SHANK2: variants seen among roughly 807,000 people sequenced by gnomAD.
The protein encoded by SHANK2 is SH3 and multiple ankyrin repeat domains protein 2.
SHANK2 carries 43 observed loss-of-function variants against 133.7 expected under a neutral mutation model. The observed-to-expected ratio is 0.32, with a 90% CI of 0.25 to 0.41. SHANK2 has a LOEUF of 0.41. Ranked by LOEUF, SHANK2 falls within the 10% of genes least tolerant of loss-of-function variation. The probability of loss-of-function intolerance (pLI) is 1.00; values close to 1 mark genes in which losing one functional copy is unlikely to be tolerated. For missense variants in SHANK2, 1,994 were observed against 2,235.8 expected, an observed-to-expected ratio of 0.89 and a Z score of 2.18; for synonymous variants, 1,017 against 952.8, an observed-to-expected ratio of 1.07 and a Z score of -1.24.
At position 70,804,900 on chromosome 11, in the gene SHANK2, C is replaced by A. The variant is rs1336425433; in HGVS notation, c.1663+2102G>T. 6.6e-6 allele frequency among the ~76,000 whole-genome samples: 1 copy of A among 152,208 alleles called. No individual in the cohort carries two copies. The highest frequency in any genetic ancestry group is 2.4e-5 in the African/African-American group (1 of 41,454). ...TCCCTTGAGCTCCTGCTCATCCATG[C>A]TGCTACTCAGGGTCCCCTCTAAGGG... is the stretch of plus-strand genomic sequence containing the variant. On this transcript the variant is annotated intron_variant, in intron 13 of 25. Transcript: ENST00000601538. The surrounding 1 kb of genome is among the most constrained non-coding windows in gnomAD (Gnocchi z 4.1).
chr11:71,083,575 G>A (rs966708964), intron 8 of SHANK2, among the ~76,000 whole-genome samples: 3,682 of 152,210 alleles, frequency 0.024, 172 homozygotes, highest in African/African-American at 0.084. Flanking sequence ...CCAACAGACA[G>A]CATGAGGAGA....
At chr11:71,090,906 TA>T (rs1288441766) in intron 8 of SHANK2, among the ~76,000 whole-genome samples, 2 of 152,130 alleles carry the variant, frequency 1.3e-5, no homozygotes, top group Non-Finnish European at 2.9e-5. Flanking sequence ...TTTTTCCTCT[TA>T]AGGCCTTCAA....
chr11:70,691,212 A>AGAACAT (rs1365127062), intron 15 of SHANK2, among the ~76,000 whole-genome samples: 4 of 152,182 alleles, frequency 2.6e-5, no homozygotes, highest in African/African-American at 4.8e-5. Context: ...AGGGGAACAG[A>AGAACAT]GAACATGGAC....
At chr11:70,865,848 C>G (rs1378955488) in intron 11 of SHANK2, among the ~76,000 whole-genome samples, 2 of 152,212 alleles carry the variant, frequency 1.3e-5, no homozygotes, top group Admixed American at 6.5e-5. Flanking sequence ...AAGCACCTGC[C>G]TTGTGCTAGG....
At chr11:70,539,600 C>T (rs1443591475) in intron 17 of SHANK2, among the ~76,000 whole-genome samples, 1 of 124,106 alleles carries the variant, frequency 8.1e-6, no homozygotes, top group Non-Finnish European at 1.7e-5. Flanking sequence ...CAGACAGCAC[C>T]ACAGGCTGGC....
At chr11:70,847,858 G>C (rs182173125) in intron 11 of SHANK2, among the ~76,000 whole-genome samples, 4 of 152,232 alleles carry the variant, frequency 2.6e-5, no homozygotes, top group African/African-American at 2.4e-5. Flanking sequence ...GACCAAAGAG[G>C]GGGGCAGGGC....
At chr11:70,678,477 C>T (rs577240360) in intron 15 of SHANK2, among the ~76,000 whole-genome samples, 9 of 149,746 alleles carry the variant, frequency 6.0e-5, no homozygotes, top group African/African-American at 2.2e-4. Flanking sequence ...TGTCCTGCCT[C>T]TCCCTGCCTC....
intron 15 of SHANK2, among the ~76,000 whole-genome samples, chr11:70,678,958 C>G (rs1288082522): frequency 6.6e-6 from 1 of 152,176 alleles, no homozygotes. Context: ...CAGGTTACCT[C>G]CAAGCTCCAA....
At chr11:70,866,358 C>T (rs1336471127) in intron 11 of SHANK2, among the ~76,000 whole-genome samples, 7 of 152,116 alleles carry the variant, frequency 4.6e-5, no homozygotes, top group African/African-American at 1.4e-4. Context: ...AGTTGGGAAC[C>T]GAGACTCATT....
chr11:71,135,966 C>T (rs1394382218), intron 3 of SHANK2, among the ~76,000 whole-genome samples: 8 of 151,962 alleles, frequency 5.3e-5, no homozygotes, highest in Admixed American at 1.3e-4. Flanking sequence ...CACAGGCTTG[C>T]GGGGGTCTAG....
chr11:70,531,911 G>A (rs1326528654), intron 17 of SHANK2, among the ~76,000 whole-genome samples: 8 of 152,102 alleles, frequency 5.3e-5, no homozygotes, highest in Admixed American at 5.2e-4. Flanking sequence ...AAACCTTCCC[G>A]GAGCTGACAG....
At chr11:70,658,272 C>A (rs200891424) in intron 17 of SHANK2, among the ~76,000 whole-genome samples, 1 of 115,750 alleles carries the variant, frequency 8.6e-6, no homozygotes, top group Admixed American at 8.0e-5. Context: ...CAGACACACA[C>A]ACACACACAG....
chr11:70,748,612 C>T (rs549965828), intron 14 of SHANK2, among the ~76,000 whole-genome samples: 26 of 152,152 alleles, frequency 1.7e-4, no homozygotes, highest in Admixed American at 2.6e-4. Context: ...AATGCCACCC[C>T]GATATTGCCA....
At chr11:70,661,783 C>G (rs1286708241) in intron 15 of SHANK2, 105 bp from the exon 16 acceptor site, 2 of 1,613,668 alleles carry the variant, frequency 1.2e-6, no homozygotes, top group Non-Finnish European at 1.7e-6. Context: ...ATTAATCACC[C>G]CAGCTCGCCA....
chr11:71,246,521 G>C (rs1262109667), intron 1 of SHANK2, among the ~76,000 whole-genome samples: 2 of 152,208 alleles, frequency 1.3e-5, no homozygotes, highest in Non-Finnish European at 2.9e-5. Context: ...GCAGGACCTT[G>C]AGTACAGGTG....
intron 11 of SHANK2, among the ~76,000 whole-genome samples, chr11:70,873,692 A>G (rs1555070652): frequency 6.6e-6 from 1 of 151,372 alleles, no homozygotes; most frequent in Non-Finnish European, 1.5e-5. Context: ...TGCAAAGGAC[A>G]TTGAGTGCGT....
At chr11:70,929,808 G>C (rs1241749665) in intron 10 of SHANK2, among the ~76,000 whole-genome samples, 1 of 152,166 alleles carries the variant, frequency 6.6e-6, no homozygotes, top group African/African-American at 2.4e-5. Flanking sequence ...ACATGTTTGG[G>C]GGGACATTCT....
At chr11:70,933,580 G>C (rs1242641491) in intron 10 of SHANK2, among the ~76,000 whole-genome samples, 1 of 152,190 alleles carries the variant, frequency 6.6e-6, no homozygotes, top group Non-Finnish European at 1.5e-5. Context: ...AAACCAGGAA[G>C]ATCTGACAAC....
At chr11:70,828,730 G>A (rs1555057709) in intron 11 of SHANK2, among the ~76,000 whole-genome samples, 1 of 152,220 alleles carries the variant, frequency 6.6e-6, no homozygotes, top group African/African-American at 2.4e-5. Context: ...ATGCCACCGT[G>A]TCCGTATTGG....
Sources: gnomAD v4.1 joint callset for allele counts (sites outside exome capture counted in the v4.1 genomes callset) on GRCh38, gnomAD v4.1.1 for gene constraint, Gnocchi (gnomAD v3.1) non-coding constraint, MANE v1.5 for transcripts, NCBI Gene and HGNC (gene_info 2026-07-23, HGNC 2026-07-21) for gene names.